The following CFAP74 variants were observed in gnomAD, a reference collection of about 807,000 sequenced individuals.
CFAP74 encodes cilia- and flagella-associated protein 74.
A neutral mutation model predicts 188.9 loss-of-function variants in CFAP74; 124 were observed. That is an observed-to-expected ratio of 0.66 (90% confidence interval 0.57 to 0.76). The LOEUF (loss-of-function observed/expected upper bound fraction) is 0.76. CFAP74 is among the 30% of genes least tolerant of loss of function. The pLI is 0.00. For synonymous variants in CFAP74, 956 were observed against 916.7 expected, an observed-to-expected ratio of 1.04 and a Z score of -0.77; for missense variants, 2,198 against 2,165.2, an observed-to-expected ratio of 1.02 and a Z score of -0.30.
intron 6 of CFAP74, 172 bp downstream of exon 6, chr1:1,985,214 C>T (rs544815362): frequency 4.1e-5 from 23 of 563,498 alleles, no homozygotes; most frequent in South Asian, 1.4e-4. Flanking sequence ...AAAAAGGCAA[C>T]GTGAAGACTA....
rs1459153516 is a variant in CFAP74 at position 1,922,270 on chromosome 1, G to A, written c.*17C>T. The A allele has an allele frequency of 1.3e-6, 2 of 1,597,696 alleles. No individual in the cohort carries two copies. The highest frequency in any genetic ancestry group is 1.7e-6 in the Non-Finnish European group (2 of 1,168,546). On this transcript the variant is annotated 3_prime_UTR_variant, in exon 39 of 39. Transcript: ENST00000682832. ...TGAGGGTGGACAGGAGGGCCCGAGG[G>A]TGCTCTGTGCAGAGGCTTAGGGGCC...
At chr1:1,955,222 C>G in intron 18 of CFAP74, 1 of 1,289,768 alleles carries the variant, frequency 7.8e-7, no homozygotes, top group Non-Finnish European at 1.0e-6. Flanking sequence ...TCAAGAGAAG[C>G]AAGGAGGAGA....
rs568373229 is a variant in CFAP74, at chr1:1,976,601, G to A, written c.501-2403C>T. ...TCTCTCCGCCAGTCTGGAGTGCAGC[G>A]GCATGATTTCAGCTCACTGCAAACT... is the stretch of plus-strand genomic sequence containing the variant. On this transcript the variant is annotated intron_variant, in intron 6 of 38. Transcript: ENST00000682832. Among the ~76,000 whole-genome samples, 21 of 152,260 alleles carry A rather than the reference G, an allele frequency of 1.4e-4. 1 individual carries two copies. The highest frequency in any genetic ancestry group is 5.9e-4 in the Admixed American group (9 of 15,292).
chr1:1,970,886 C>G, intron 9 of CFAP74, 70 bp from the exon 10 acceptor site: 1 of 1,573,744 alleles, frequency 6.4e-7, no homozygotes, highest in Non-Finnish European at 8.7e-7. Context: ...CACACCTGCA[C>G]ATGTGCACAC....
intron 14 of CFAP74, among the ~76,000 whole-genome samples, chr1:1,961,669 G>A (rs909017132): frequency 6.6e-6 from 1 of 152,068 alleles, no homozygotes; most frequent in East Asian, 1.9e-4. Context: ...ATGACTAGAG[G>A]ACACAGAACC....
intron 27 of CFAP74, 163 bp from the exon 28 acceptor site, chr1:1,927,909 T>G (rs1239193055): frequency 2.9e-6 from 2 of 696,420 alleles, no homozygotes; most frequent in Non-Finnish European, 4.7e-6. Context: ...CAGTAGCCAG[T>G]GCGGAGGGGC....
chr1:1,972,092 G>A lies in CFAP74; in HGVS notation c.786-10C>T, dbSNP rs538301389. ...CTCTTGCTCTCGGATTCTGAGGAAG[G>A]ACATTTAAACATTTTTGAGGCTCTG... On this transcript the variant is annotated splice_polypyrimidine_tract_variant and intron_variant, in intron 8 of 38. Coordinates refer to ENST00000682832, the MANE Select transcript of CFAP74 (RefSeq NM_001304360.2). 5 of 1,604,542 alleles carry A rather than the reference G, an allele frequency of 3.1e-6. No individual in the cohort carries two copies. In the Admixed American group the frequency reaches 5.0e-5, roughly 16 times the overall value.
chr1:1,960,054 A>G, intron 14 of CFAP74, 24 bp from the exon 15 acceptor site: 1 of 1,590,744 alleles, frequency 6.3e-7, no homozygotes, highest in Non-Finnish European at 8.6e-7. Context: ...CCCATAGCAC[A>G]CGGGGGTTAG....
chr1:2,003,449 T>C (rs1420443123), intron 1 of CFAP74, among the ~76,000 whole-genome samples: 2 of 152,192 alleles, frequency 1.3e-5, no homozygotes, highest in African/African-American at 2.4e-5. Context: ...GTTTAATGTT[T>C]TTGTAAATGT....
Position 1,934,674 on chromosome 1 carries a change from C to T in CFAP74, c.3011+4181G>A, listed in dbSNP as rs545824811. On this transcript the variant is annotated intron_variant, in intron 25 of 38. Transcript: ENST00000682832. ...TAGGCTGTAGGTACACACGTGTGTACGTGGGTGTTAGGCTGTAGGTACACA... is the reference window on the plus strand; with the variant it reads ...TAGGCTGTAGGTACACACGTGTGTATGTGGGTGTTAGGCTGTAGGTACACA... Among the ~76,000 whole-genome samples the T allele has an allele frequency of 2.3e-3, 251 of 107,724 alleles. 1 individual carries two copies. Among genetic ancestry groups the T allele is most frequent in the Middle Eastern group, 0.018 (2 of 114 alleles). 70.7% of individuals were successfully genotyped at this position (107,724 alleles called of 152,430 possible).
rs1251283811 is a variant in CFAP74 at position 1,973,455 on chromosome 1, G to C, written c.675-408C>G. 6.6e-6 allele frequency among the ~76,000 whole-genome samples: 1 copy of C among 152,146 alleles called. No individual in the cohort carries two copies. The highest frequency in any genetic ancestry group is 1.5e-5 in the Non-Finnish European group (1 of 68,032). Reference sequence around the variant, plus strand: ...AAGGGAAGGAATGAGATGGGGGAGGGGATGGAGGCCAGAAGGGGGTCCCGA... The same window carrying C: ...AAGGGAAGGAATGAGATGGGGGAGGCGATGGAGGCCAGAAGGGGGTCCCGA... On this transcript the variant is annotated intron_variant, in intron 7 of 38. Coordinates refer to ENST00000682832, the MANE Select transcript of CFAP74 (RefSeq NM_001304360.2). This position sits in a 1 kb window ranked among gnomAD's most constrained non-coding sequence, Gnocchi z 6.2.
At chr1:1,980,779 C>T (rs1360182546) in intron 6 of CFAP74, among the ~76,000 whole-genome samples, 1 of 152,192 alleles carries the variant, frequency 6.6e-6, no homozygotes, top group Non-Finnish European at 1.5e-5. Flanking sequence ...TCCACGGGGT[C>T]TCTCTCGGGC....
intron 20 of CFAP74, among the ~76,000 whole-genome samples, 157 bp downstream of exon 20, chr1:1,946,160 G>A (rs574006998): frequency 7.2e-5 from 11 of 152,376 alleles, no homozygotes; most frequent in East Asian, 1.9e-4. Context: ...ACTCGTGTGC[G>A]TGCGTGTGTT....
chr1:1,966,666 T>C, intron 11 of CFAP74, 140 bp from the exon 12 acceptor site: 2 of 609,028 alleles, frequency 3.3e-6, no homozygotes, highest in Non-Finnish European at 2.4e-6. Context: ...GAGATAGCGG[T>C]GCACACGGTT....
At chr1:1,969,635 G>A (rs1040150972) in intron 10 of CFAP74, among the ~76,000 whole-genome samples, 3 of 152,210 alleles carry the variant, frequency 2.0e-5, no homozygotes, top group Non-Finnish European at 4.4e-5. Flanking sequence ...TGCACTTCCC[G>A]GGTGCCTCCT....
At chr1:1,949,554 T>G (rs893117336) in intron 18 of CFAP74, among the ~76,000 whole-genome samples, 1 of 46,934 alleles carries the variant, frequency 2.1e-5, no homozygotes, top group Non-Finnish European at 5.0e-5. Context: ...CTCTTCTTAG[T>G]GGAACTTTCT....
intron 9 of CFAP74, among the ~76,000 whole-genome samples, chr1:1,971,178 C>T (rs1454145880): frequency 6.6e-6 from 1 of 151,914 alleles, no homozygotes; most frequent in East Asian, 1.9e-4. Flanking sequence ...CACACCTGCA[C>T]ACACGTGCAC....
In CFAP74 at chr1:1,956,913, G is replaced by T. The variant is rs191424150; in HGVS notation, c.1852-129C>A. On this transcript the variant is annotated intron_variant, in intron 16 of 38. Coordinates refer to ENST00000682832, the MANE Select transcript of CFAP74 (RefSeq NM_001304360.2). Reference sequence around the variant, plus strand: ...GTGCGCGTTGTGCACTGCACAAGCAGGTACACGATTCAACCCAGAAATCAG... The same window carrying T: ...GTGCGCGTTGTGCACTGCACAAGCATGTACACGATTCAACCCAGAAATCAG... 27 of 923,876 alleles carry T rather than the reference G, an allele frequency of 2.9e-5. No individual in the cohort carries two copies. The African/African-American group carries it at 4.5e-4, about 15-fold the overall frequency. 57.2% of individuals were successfully genotyped at this position (923,876 alleles called of 1,614,324 possible). A position where few individuals can be genotyped will look rare whatever the true frequency, so the allele number is the denominator to read the frequency against.
At chr1:1,937,273 T>C (rs2748970) in intron 25 of CFAP74, among the ~76,000 whole-genome samples, 84,332 of 152,166 alleles carry the variant, frequency 0.55, 23,594 homozygotes, top group East Asian at 0.66. Context: ...GGTCTGGCTG[T>C]CTGACTAGCC....
Sources: gnomAD v4.1 joint callset for allele counts (sites outside exome capture counted in the v4.1 genomes callset) on GRCh38, gnomAD v4.1.1 for gene constraint, Gnocchi (gnomAD v3.1) non-coding constraint, MANE v1.5 for transcripts, NCBI Gene and HGNC (gene_info 2026-07-23, HGNC 2026-07-21) for gene names.